The following RBM6 variants were observed in gnomAD, a reference collection of about 807,000 sequenced individuals.
RBM6 encodes RNA binding motif protein 6, also known as RNA-binding protein 6.
In RBM6, 23 loss-of-function variants were observed where a neutral mutation model predicts 140.4. The observed-to-expected ratio is 0.16, with a 90% CI of 0.12 to 0.23. The LOEUF (loss-of-function observed/expected upper bound fraction) is 0.23. Ranked by LOEUF, RBM6 falls within the 10% of genes least tolerant of loss-of-function variation. The probability of loss-of-function intolerance (pLI) is 1.00; values close to 1 mark genes in which losing one functional copy is unlikely to be tolerated. For missense variants in RBM6, 1,139 were observed against 1,386.7 expected, an observed-to-expected ratio of 0.82 and a Z score of 2.84; for synonymous variants, 439 against 475.6, an observed-to-expected ratio of 0.92 and a Z score of 1.00.
intron 6 of RBM6, among the ~76,000 whole-genome samples, chr3:50,029,643 G>A (rs2088033651): frequency 6.6e-6 from 1 of 152,146 alleles, no homozygotes; most frequent in African/African-American, 2.4e-5. Context: ...TGAGGCAGAA[G>A]AATCACTTGA....
At chr3:50,065,910 T>G (rs112940497) in intron 16 of RBM6, among the ~76,000 whole-genome samples, 3,115 of 152,346 alleles carry the variant, frequency 0.02, 64 homozygotes, top group Middle Eastern at 0.092. Flanking sequence ...CTTCCCTCCA[T>G]GAGTTACAGT....
At chr3:50,005,338 A>C (rs1005804336) in intron 6 of RBM6, among the ~76,000 whole-genome samples, 3 of 152,076 alleles carry the variant, frequency 2.0e-5, no homozygotes. Flanking sequence ...TCTACAAAAC[A>C]TTGTTAAAAA....
Position 50,061,525 on chromosome 3 carries a change from CTTA to C in RBM6, c.2422_2424del (p.Tyr808del). 6.5e-7 allele frequency: 1 copy of C among 1,534,506 alleles called. No homozygotes were observed. Among genetic ancestry groups the C allele is most frequent in the Non-Finnish European group, 8.8e-7 (1 of 1,138,706 alleles). ...TACTATTATGACCCCTTGGCAGGAA[CTTA>C]TTATGACCCCAATACCCAGGTGAGT... On this transcript the variant is annotated inframe_deletion, in exon 14 of 21. Transcript: ENST00000266022.
chr3:49,977,789 A>G (rs1246031248), intron 5 of RBM6, among the ~76,000 whole-genome samples: 3 of 152,188 alleles, frequency 2.0e-5, no homozygotes, highest in Non-Finnish European at 4.4e-5. Flanking sequence ...GAACAATCAG[A>G]TGTTCTAAGA....
chr3:50,060,875 C>G (rs1456185093), intron 11 of RBM6, 81 bp from the exon 12 acceptor site: 1 of 1,399,062 alleles, frequency 7.1e-7, no homozygotes, highest in Non-Finnish European at 9.5e-7. Flanking sequence ...CAGAGGATTT[C>G]TCGATAGGAA....
intron 6 of RBM6, among the ~76,000 whole-genome samples, chr3:50,003,151 T>A (rs1217909179): frequency 6.6e-6 from 1 of 151,578 alleles, no homozygotes; most frequent in African/African-American, 2.4e-5. Context: ...AATAAATAAA[T>A]AAAATAAATA....
chr3:49,981,856 C>T (rs1482748048), intron 5 of RBM6, among the ~76,000 whole-genome samples: 5 of 152,058 alleles, frequency 3.3e-5, no homozygotes, highest in African/African-American at 9.7e-5. Flanking sequence ...TTGCATACTA[C>T]GTAGTATATA....
At chr3:49,941,659 A>AAC (rs1403391467) in intron 1 of RBM6, among the ~76,000 whole-genome samples, 2 of 150,624 alleles carry the variant, frequency 1.3e-5, no homozygotes, top group African/African-American at 4.9e-5. Context: ...AAAAAAAAAA[A>AAC]AAAAAAAAAA....
At chr3:49,977,738 T>C (rs1018989224) in intron 5 of RBM6, among the ~76,000 whole-genome samples, 35 of 152,328 alleles carry the variant, frequency 2.3e-4, no homozygotes, top group African/African-American at 8.2e-4. Context: ...TTCACAGCAG[T>C]GCAGCTTAGG....
rs571117605 is a variant in RBM6 at position 50,032,355 on chromosome 3, G to A, written c.1558-15890G>A. On this transcript the variant is annotated intron_variant, in intron 6 of 20. Coordinates refer to ENST00000266022, the MANE Select transcript of RBM6 (RefSeq NM_005777.3). ...AAAAATTAGCTGGGCGTGGTGGTGCGTGCCTGTAGTCCAAGCTACTCAGGA... is the reference window on the plus strand; with the variant it reads ...AAAAATTAGCTGGGCGTGGTGGTGCATGCCTGTAGTCCAAGCTACTCAGGA... 1.3e-4 allele frequency among the ~76,000 whole-genome samples: 20 copies of A among 151,630 alleles called. No individual in the cohort carries two copies. The South Asian group carries it at 2.3e-3, about 17-fold the overall frequency.
intron 3 of RBM6, among the ~76,000 whole-genome samples, chr3:49,971,369 T>TG (rs540691687): frequency 0.012 from 1,796 of 148,196 alleles, 27 homozygotes; most frequent in Non-Finnish European, 0.019. Context: ...TGCTTGAACC[T>TG]GGGGGGCGGA....
In RBM6 at chr3:49,972,003, T is replaced by G. The variant is rs1373499922; in HGVS notation, c.1324-56T>G. The G allele has an allele frequency of 2.3e-6, 3 of 1,287,056 alleles. No homozygotes were observed. The African/African-American group carries it at 4.5e-5, about 19-fold the overall frequency. The allele number at this position is 1,287,056 out of a possible 1,614,324, so 79.7% of individuals were successfully genotyped here. A position where few individuals can be genotyped will look rare whatever the true frequency, so the allele number is the denominator to read the frequency against. Reference sequence around the variant, plus strand: ...CTGAGTGGCTAAATTTCATGTTGATTTGTGTTTTGTGCAGTAAAGTATATT... The same window carrying G: ...CTGAGTGGCTAAATTTCATGTTGATGTGTGTTTTGTGCAGTAAAGTATATT... On this transcript the variant is annotated intron_variant, in intron 3 of 20. Transcript: ENST00000266022.
At chr3:49,986,594 CA>C (rs377686651) in intron 5 of RBM6, among the ~76,000 whole-genome samples, 57,222 of 114,510 alleles carry the variant, frequency 0.5, 11,926 homozygotes, top group Middle Eastern at 0.53. Context: ...GACTCCGTCT[CA>C]AAAAAAAAAA....
chr3:49,957,768 G>A lies in RBM6; in HGVS notation c.-66-4808G>A, dbSNP rs1412029513. Among the ~76,000 whole-genome samples, 3 of 151,598 alleles carry A rather than the reference G, an allele frequency of 2.0e-5. No individual in the cohort carries two copies. The East Asian group carries it at 5.8e-4, about 29-fold the overall frequency. ...GAAAGTGAAAAGTAGGAGTTACAAA[G>A]CAAAATTGCAATAATGCTAGTTTTT... On this transcript the variant is annotated intron_variant, in intron 1 of 20. Transcript: ENST00000266022.
Position 49,968,474 on chromosome 3 carries a change from A to T in RBM6, c.1049A>T (p.Glu350Val), listed in dbSNP as rs1325290371. The T allele has an allele frequency of 3.1e-6, 5 of 1,614,098 alleles. No homozygotes were observed. Among genetic ancestry groups the T allele is most frequent in the Non-Finnish European group, 4.2e-6 (5 of 1,180,050 alleles). The change falls in exon 3 of 21, where the codon GAA becomes GTA. Residue 350 changes from glutamate to valine, a missense_variant. By Grantham distance (121) the Glu-to-Val change is moderately radical. Transcript: ENST00000266022. ...GGAGAAACACAAGGTGTAGCCTTTG[A>T]ACATGAGTCTCCAGCAGACTTTCAG... ...REGETQGVAF[E>V]HESPADFQNS...
At chr3:50,062,578 C>G in intron 15 of RBM6, among the ~76,000 whole-genome samples, 1 of 151,616 alleles carries the variant, frequency 6.6e-6, no homozygotes, top group Admixed American at 6.6e-5. Flanking sequence ...TATATCCCAA[C>G]TCTCTCTTTT....
At chr3:49,985,566 T>C (rs1449930233) in intron 5 of RBM6, among the ~76,000 whole-genome samples, 1 of 152,218 alleles carries the variant, frequency 6.6e-6, no homozygotes, top group Non-Finnish European at 1.5e-5. Flanking sequence ...AATATACCAC[T>C]GAATTGTATG....
chr3:50,018,067 T>A (rs2087262976), intron 6 of RBM6, among the ~76,000 whole-genome samples: 1 of 152,224 alleles, frequency 6.6e-6, no homozygotes, highest in Non-Finnish European at 1.5e-5. Context: ...AAGGGTTCAC[T>A]CTGGGTGTTG....
At chr3:50,074,328 T>G (rs1281553785) in intron 19 of RBM6, among the ~76,000 whole-genome samples, 3 of 148,408 alleles carry the variant, frequency 2.0e-5, no homozygotes, top group Non-Finnish European at 4.5e-5. Context: ...CTGCATTTCT[T>G]TTTTTTTTTT....
Sources: gnomAD v4.1 joint callset for allele counts (sites outside exome capture counted in the v4.1 genomes callset) on GRCh38, gnomAD v4.1.1 for gene constraint, MANE v1.5 for transcripts, NCBI Gene and HGNC (gene_info 2026-07-23, HGNC 2026-07-21) for gene names.